The following IMPG1 variants were observed in gnomAD, a reference collection of about 807,000 sequenced individuals.
The protein encoded by IMPG1 is interphotoreceptor matrix proteoglycan of 150 kDa.
A neutral mutation model predicts 92.0 loss-of-function variants in IMPG1; 85 were observed. That is an observed-to-expected ratio of 0.92 (90% CI 0.78 to 1.11). The LOEUF (loss-of-function observed/expected upper bound fraction) is 1.11. Ranked by LOEUF, IMPG1 falls within the 50% of genes least tolerant of loss-of-function variation. The pLI, the probability that IMPG1 is intolerant of heterozygous loss-of-function variation, is 0.00. For synonymous variants in IMPG1, 367 were observed against 334.1 expected (o/e 1.10, Z -1.08); for missense variants, 1,022 against 956.0 (o/e 1.07, Z -0.91).
chr6:75,953,021 AT>A (rs1436793433), intron 12 of IMPG1, among the ~76,000 whole-genome samples: 2 of 152,118 alleles, frequency 1.3e-5, no homozygotes, highest in African/African-American at 4.8e-5. Context: ...AATTGAAAGG[AT>A]TTGATTTGAC....
intron 1 of IMPG1, among the ~76,000 whole-genome samples, chr6:76,046,816 C>T (rs561678127): frequency 2.4e-4 from 36 of 152,278 alleles, no homozygotes; most frequent in African/African-American, 7.5e-4. Flanking sequence ...ATAATCGAGA[C>T]ATTTCACTTG....
intron 12 of IMPG1, among the ~76,000 whole-genome samples, chr6:75,998,335 G>T (rs752768407): frequency 1.3e-4 from 20 of 152,200 alleles, no homozygotes; most frequent in Non-Finnish European, 2.5e-4. Context: ...GGAATGAATA[G>T]AGACAGACGG....
intron 15 of IMPG1, chr6:75,928,702 GT>G (rs1781606051): frequency 6.6e-6 from 1 of 152,082 alleles, no homozygotes; most frequent in Non-Finnish European, 1.5e-5. Flanking sequence ...CCATTCCATT[GT>G]TAACTGGAGT....
chr6:75,970,379 G>A (rs145468032), intron 12 of IMPG1, among the ~76,000 whole-genome samples: 9 of 151,632 alleles, frequency 5.9e-5, no homozygotes, highest in Non-Finnish European at 1.2e-4. Flanking sequence ...AGCACTAAAG[G>A]CCATTTTTCC....
At position 76,025,214 on chromosome 6, in the gene IMPG1, T is replaced by C. The variant is rs1382456147; in HGVS notation, c.542A>G (p.Glu181Gly). Residue 181 changes from glutamate to glycine, a missense_variant, in exon 5 of 17, where the codon GAA (glutamate) becomes GGA (glycine). This residue lies in a region of IMPG1 where 681 missense variants were observed against 583.6 expected (regional missense o/e 1.17). Coordinates refer to ENST00000369950, the MANE Select transcript of IMPG1 (RefSeq NM_001563.4). ...SAEKTLGEPGETIVISTDVAN... is the reference protein window; with the variant it reads ...SAEKTLGEPGGTIVISTDVAN... ...CTTACCTGTTGAAATGACAATGGTT[T>C]CACCAGGCTCTCCCAATGTCTTCTC... is the stretch of plus-strand genomic sequence containing the variant. 6.2e-7 allele frequency: 1 copy of C among 1,602,910 alleles called. No individual in the cohort carries two copies. The highest frequency in any genetic ancestry group is 8.5e-7 in the Non-Finnish European group (1 of 1,170,886).
chr6:76,068,281 A>G (rs1784345344), intron 1 of IMPG1, among the ~76,000 whole-genome samples: 1 of 152,198 alleles, frequency 6.6e-6, no homozygotes, highest in African/African-American at 2.4e-5. Context: ...TCTTATACGT[A>G]GAAAATCCTA....
intron 7 of IMPG1, among the ~76,000 whole-genome samples, chr6:76,016,185 C>T (rs1297886060): frequency 6.6e-6 from 1 of 152,200 alleles, no homozygotes; most frequent in Non-Finnish European, 1.5e-5. Context: ...TCTACAATTT[C>T]TAAGCAAGGA....
chr6:75,974,401 T>TTCCTTGC lies in IMPG1; in HGVS notation c.1292-23308_1292-23307insGCAAGGA, dbSNP rs59220395. ...TTTCTTTCTTTCTTTCTTTTCTTTC[T>TTCCTTGC]TTCCTTCCTTCCTTCCTTCCTTCCT... On this transcript the variant is annotated intron_variant, in intron 12 of 16. Transcript: ENST00000369950. Among the ~76,000 whole-genome samples, 85 of 92,818 alleles carry TTCCTTGC rather than the reference T, an allele frequency of 9.2e-4. 5 individuals carry two copies. The highest frequency in any genetic ancestry group is 3.0e-3 in the East Asian group (7 of 2,370). The allele number at this position is 92,818 out of a possible 152,430, so 60.9% of individuals were successfully genotyped here.
intron 4 of IMPG1, among the ~76,000 whole-genome samples, chr6:76,029,397 C>G (rs1783614250): frequency 6.6e-6 from 1 of 152,172 alleles, no homozygotes; most frequent in East Asian, 1.9e-4. Flanking sequence ...AAGTTTAAAA[C>G]CAAAGTCTAT....
At chr6:75,948,105 C>T (rs544448744) in intron 13 of IMPG1, among the ~76,000 whole-genome samples, 32 of 152,328 alleles carry the variant, frequency 2.1e-4, no homozygotes, top group East Asian at 5.8e-4. Context: ...AGTCCTAGAA[C>T]TGTCCCTAAC....
Position 76,018,810 on chromosome 6 carries a change from T to G in IMPG1, c.715A>C (p.Ser239Arg), listed in dbSNP as rs1474754339. Reference protein sequence around the residue: ...AVLEEQRVELSVSLVNQKFKA... With the variant: ...AVLEEQRVELRVSLVNQKFKA... The stretch of plus-strand genomic sequence containing the variant: ...AACTTCTGGTTTACCAGAGAGACGC[T>G]GAGCTCCACCCTCTGCTCCTCCAAC... The change falls in exon 7 of 17, where the codon AGC becomes CGC. Residue 239 changes from serine to arginine, a missense_variant. By Grantham distance (110) the Ser-to-Arg change is moderately radical (BLOSUM62 -1). Coordinates refer to ENST00000369950, the MANE Select transcript of IMPG1 (RefSeq NM_001563.4). The G allele has an allele frequency of 1.2e-6, 2 of 1,612,586 alleles. No individual in the cohort carries two copies. Among genetic ancestry groups the G allele is most frequent in the South Asian group, 1.1e-5 (1 of 90,858 alleles).
At chr6:76,020,040 TTTTA>T (rs2149482860) in intron 6 of IMPG1, among the ~76,000 whole-genome samples, 1 of 152,220 alleles carries the variant, frequency 6.6e-6, no homozygotes, top group East Asian at 1.9e-4. Context: ...AAATACAATA[TTTTA>T]TTTATTTCTT....
At chr6:75,956,841 T>C (rs1782131952) in intron 12 of IMPG1, among the ~76,000 whole-genome samples, 1 of 152,212 alleles carries the variant, frequency 6.6e-6, no homozygotes, top group African/African-American at 2.4e-5. Flanking sequence ...TGCCTTAATT[T>C]TGTTATTTAC....
intron 12 of IMPG1, among the ~76,000 whole-genome samples, chr6:75,992,970 T>A (rs1331368501): frequency 1.3e-5 from 2 of 152,212 alleles, no homozygotes; most frequent in Non-Finnish European, 1.5e-5. Flanking sequence ...AAAGTTAAAG[T>A]AGTATTTATA....
intron 12 of IMPG1, among the ~76,000 whole-genome samples, chr6:75,990,148 G>A (rs940076953): frequency 3.3e-5 from 5 of 152,114 alleles, no homozygotes; most frequent in Admixed American, 3.3e-4. Context: ...GAAGTATGGC[G>A]AGTTTTGGAA....
At chr6:75,975,259 G>C (rs1387510542) in intron 12 of IMPG1, among the ~76,000 whole-genome samples, 1 of 152,256 alleles carries the variant, frequency 6.6e-6, no homozygotes, top group Non-Finnish European at 1.5e-5. Flanking sequence ...AGCAGGCAGA[G>C]AAGATGTGTT....
intron 12 of IMPG1, among the ~76,000 whole-genome samples, chr6:75,977,781 G>A (rs1782563820): frequency 6.6e-6 from 1 of 150,856 alleles, no homozygotes; most frequent in South Asian, 2.1e-4. Flanking sequence ...TCTTTTCTAA[G>A]CAGGAACTCT....
chr6:76,065,878 T>C (rs1259617773), intron 1 of IMPG1, among the ~76,000 whole-genome samples: 3 of 152,108 alleles, frequency 2.0e-5, no homozygotes, highest in Admixed American at 6.6e-5. Flanking sequence ...AGCAGCAGAC[T>C]TCTCAGCAGA....
At chr6:76,062,579 C>T (rs1025822570) in intron 1 of IMPG1, among the ~76,000 whole-genome samples, 5 of 152,112 alleles carry the variant, frequency 3.3e-5, no homozygotes, top group African/African-American at 1.2e-4. Flanking sequence ...TTCAAAACTA[C>T]TCATCTTTTA....
Sources: gnomAD v4.1 joint callset for allele counts (sites outside exome capture counted in the v4.1 genomes callset) on GRCh38, gnomAD v4.1.1 for gene constraint, gnomAD v4.1.1 regional missense constraint, MANE v1.5 for transcripts, NCBI Gene and HGNC (gene_info 2026-07-23, HGNC 2026-07-21) for gene names.